Variants in ZNF654 observed in about 807,000 individuals in gnomAD.
ZNF654 encodes melanoma-associated antigen.
ZNF654 carries 19 observed loss-of-function variants against 95.3 expected under a neutral mutation model. The observed-to-expected ratio is 0.20, with a 90% confidence interval of 0.14 to 0.29. The LOEUF is 0.29. Among genes scored for constraint, ZNF654 ranks in the 10% least tolerant of loss-of-function variants. The pLI, the probability that ZNF654 is intolerant of heterozygous loss-of-function variation, is 1.00. For missense variants in ZNF654, 1,046 were observed against 1,341.0 expected (o/e 0.78, Z 3.44); for synonymous variants, 413 against 457.9 (o/e 0.90, Z 1.25).
At chr3:88,107,905 A>G (rs1704842020) in intron 2 of ZNF654, among the ~76,000 whole-genome samples, 2 of 152,150 alleles carry the variant, frequency 1.3e-5, no homozygotes, top group Admixed American at 1.3e-4. Context: ...TGATTTTAAT[A>G]AAGTCTCTGT....
In ZNF654 at chr3:88,128,960, A is replaced by G. The variant is rs1706277613; in HGVS notation, c.702A>G (p.Ala234=). Residue 234 remains alanine (A), a synonymous_variant, in exon 5 of 9, where the codon GCA becomes GCG. Coordinates refer to ENST00000636215, the MANE Select transcript of ZNF654 (RefSeq NM_001350134.2). Reference sequence around the variant, plus strand: ...GTAAAGACTTATACTTCCATCAAGCACTCTTCACATGTCTGTTTATGTCAC... The same window carrying G: ...GTAAAGACTTATACTTCCATCAAGCGCTCTTCACATGTCTGTTTATGTCAC... ...EISKDLYFHQ[A]LFTCLFMSPV... The G allele has an allele frequency of 6.5e-7, 1 of 1,534,874 alleles. No individual in the cohort carries two copies. The highest frequency in any genetic ancestry group is 2.4e-5 in the East Asian group (1 of 40,818).
intron 1 of ZNF654, among the ~76,000 whole-genome samples, chr3:88,076,592 T>C (rs1707816213): frequency 1.3e-5 from 2 of 152,198 alleles, no homozygotes. Context: ...TTGTTTTGTT[T>C]TAAACAAATT....
chr3:88,093,241 T>C (rs765013884), intron 2 of ZNF654, among the ~76,000 whole-genome samples: 2 of 152,328 alleles, frequency 1.3e-5, no homozygotes, highest in Non-Finnish European at 2.9e-5. Context: ...ATTCCTAAGT[T>C]AAGTTTCACA....
Position 88,066,077 on chromosome 3 carries a change from G to C in ZNF654, c.186+6572G>C, listed in dbSNP as rs533513494. Among the ~76,000 whole-genome samples, 11 of 152,264 alleles carry C rather than the reference G, an allele frequency of 7.2e-5. No individual in the cohort carries two copies. The East Asian group carries it at 1.2e-3, about 16-fold the overall frequency. On this transcript the variant is annotated intron_variant, in intron 1 of 8. Transcript: ENST00000636215. ...ACAAATAGATACAAGATTATTTTGA[G>C]TATGATGAAATTTTAATTCTTTGTT...
intron 1 of ZNF654, among the ~76,000 whole-genome samples, chr3:88,080,077 T>C (rs917009026): frequency 3.3e-5 from 5 of 152,090 alleles, no homozygotes; most frequent in Non-Finnish European, 5.9e-5. Flanking sequence ...GGGAGAATTG[T>C]AAAAACAGTG....
At chr3:88,105,414 A>G (rs145017489) in intron 2 of ZNF654, among the ~76,000 whole-genome samples, 31 of 152,288 alleles carry the variant, frequency 2.0e-4, no homozygotes, top group Non-Finnish European at 3.4e-4. Flanking sequence ...TAGCATAGTC[A>G]GTCAATTTGT....
At chr3:88,095,435 G>C in intron 2 of ZNF654, 3 of 343,176 alleles carry the variant, frequency 8.7e-6, no homozygotes, top group South Asian at 7.3e-5. Flanking sequence ...TTTCCTCTTT[G>C]GTTTCTGTAT....
chr3:88,122,817 C>T (rs1705851998), intron 3 of ZNF654, among the ~76,000 whole-genome samples: 1 of 151,900 alleles, frequency 6.6e-6, no homozygotes, highest in Non-Finnish European at 1.5e-5. Flanking sequence ...CGATACCAGC[C>T]TGGCCAGCAT....
intron 1 of ZNF654, among the ~76,000 whole-genome samples, chr3:88,060,086 G>C (rs1706774419): frequency 6.6e-6 from 1 of 151,920 alleles, no homozygotes; most frequent in Admixed American, 6.6e-5. Flanking sequence ...TACTTTTTTC[G>C]GACAGAGAGT....
intron 3 of ZNF654, among the ~76,000 whole-genome samples, chr3:88,119,568 A>T (rs1431732015): frequency 6.6e-6 from 1 of 151,960 alleles, no homozygotes; most frequent in Non-Finnish European, 1.5e-5. Flanking sequence ...AAAAACAATA[A>T]TTATTGGAGA....
intron 1 of ZNF654, among the ~76,000 whole-genome samples, chr3:88,072,971 T>C (rs1267614649): frequency 1.8e-5 from 1 of 55,696 alleles, no homozygotes; most frequent in South Asian, 1.3e-3. Flanking sequence ...CTTAAAAAAA[T>C]TGTTAGTTTT....
rs1707089349 is a variant in ZNF654, at chr3:88,140,924, A to G, written c.3255A>G (p.Lys1085=). The G allele has an allele frequency of 6.2e-7, 1 of 1,613,618 alleles. No homozygotes were observed. Among genetic ancestry groups the G allele is most frequent in the Non-Finnish European group, 8.5e-7 (1 of 1,179,640 alleles). The change falls in exon 8 of 9, where the codon AAA becomes AAG. Residue 1085 remains lysine, a synonymous_variant. Transcript: ENST00000636215. ...GTTCTGATCAAGATAACGTGTATAA[A>G]AAATCAGTGAAAAGATTAAGATGTG... ...DACSDQDNVY[K]KSVKRLRCGK...
chr3:88,069,921 T>G (rs548571112), intron 1 of ZNF654, among the ~76,000 whole-genome samples: 1 of 152,378 alleles, frequency 6.6e-6, no homozygotes, highest in African/African-American at 2.4e-5. Context: ...AGATTTAACC[T>G]TGAATATCTG....
chr3:88,098,599 T>C (rs1452976124), intron 2 of ZNF654, among the ~76,000 whole-genome samples: 1 of 152,116 alleles, frequency 6.6e-6, no homozygotes, highest in Non-Finnish European at 1.5e-5. Flanking sequence ...ACTGGCAAAC[T>C]GAATCCAGCA....
chr3:88,086,446 G>C, intron 2 of ZNF654, 44 bp downstream of exon 2: 2 of 1,397,232 alleles, frequency 1.4e-6, no homozygotes, highest in South Asian at 1.6e-5. Flanking sequence ...TTTTCTTGAT[G>C]TGTTTGAGAA....
Position 88,139,762 on chromosome 3 carries a change from A to G in ZNF654, c.2093A>G (p.Asp698Gly), listed in dbSNP as rs1458110640. The change falls in exon 8 of 9, where the codon GAT becomes GGT. Residue 698 changes from aspartate to glycine, a missense_variant. By Grantham distance (94) the Asp-to-Gly change is moderately conservative. Around this residue, in one of 9 missense-constraint regions of ZNF654, gnomAD observed 495 missense variants for 537.0 expected, o/e 0.92. Coordinates refer to ENST00000636215, the MANE Select transcript of ZNF654 (RefSeq NM_001350134.2). ...TTCAAGCCTTTAACTGAATGTGGGGATGATTATGAGGAGGAAGAGGATGAA... is the reference window on the plus strand; with the variant it reads ...TTCAAGCCTTTAACTGAATGTGGGGGTGATTATGAGGAGGAAGAGGATGAA... ...NVFKPLTECG[D>G]DYEEEEDEEG... 6.4e-7 allele frequency: 1 copy of G among 1,554,320 alleles called. No homozygotes were observed. The highest frequency in any genetic ancestry group is 1.2e-5 in the South Asian group (1 of 84,706).
chr3:88,141,165 G>T, intron 8 of ZNF654, 117 bp downstream of exon 8: 1 of 1,166,536 alleles, frequency 8.6e-7, no homozygotes. Context: ...AGGTAGTGAA[G>T]CATTACTCCA....
chr3:88,072,751 C>T (rs113381435), intron 1 of ZNF654, among the ~76,000 whole-genome samples: 62 of 152,032 alleles, frequency 4.1e-4, no homozygotes, highest in Middle Eastern at 3.4e-3. Context: ...CTTATCCCTC[C>T]ACAAAAAAAT....
At chr3:88,097,429 AG>A (rs754498137) in intron 2 of ZNF654, among the ~76,000 whole-genome samples, 6 of 152,054 alleles carry the variant, frequency 3.9e-5, no homozygotes, top group Non-Finnish European at 7.4e-5. Context: ...TCAATGAGAC[AG>A]AAGGTTAACA....
Sources: gnomAD v4.1 joint callset for allele counts (sites outside exome capture counted in the v4.1 genomes callset) on GRCh38, gnomAD v4.1.1 for gene constraint, gnomAD v4.1.1 regional missense constraint, MANE v1.5 for transcripts, NCBI Gene and HGNC (gene_info 2026-07-23, HGNC 2026-07-21) for gene names.